MARCHF1: variants seen among roughly 807,000 people sequenced by gnomAD.
MARCHF1 encodes the protein E3 ubiquitin-protein ligase MARCHF1.
A neutral mutation model predicts 54.2 loss-of-function variants in MARCHF1; 40 were observed. The ratio of observed to expected loss-of-function variants is 0.74; its 90% confidence interval spans 0.57 to 0.96. MARCHF1 has a LOEUF of 0.96. Ranked by LOEUF, MARCHF1 falls within the 40% of genes least tolerant of loss-of-function variation. MARCHF1 has a pLI of 0.00. For synonymous variants in MARCHF1, 236 were observed against 236.3 expected (o/e 1.00, Z 0.01); for missense variants, 586 against 656.5 (o/e 0.89, Z 1.17).
At chr4:164,151,184 GTA>G (rs1729926021) in intron 1 of MARCHF1, among the ~76,000 whole-genome samples, 1 of 152,136 alleles carries the variant, frequency 6.6e-6, no homozygotes, top group African/African-American at 2.4e-5. Flanking sequence ...TTAAGACAAT[GTA>G]TGCAATAATT....
intron 1 of MARCHF1, among the ~76,000 whole-genome samples, chr4:164,302,321 A>C (rs1354141950): frequency 2.0e-5 from 3 of 151,804 alleles, no homozygotes; most frequent in African/African-American, 7.3e-5. Context: ...ACACTGTTCC[A>C]TTGTTCCAAC....
chr4:163,895,779 G>C (rs1374885973), intron 3 of MARCHF1, among the ~76,000 whole-genome samples: 2 of 152,088 alleles, frequency 1.3e-5, no homozygotes, highest in African/African-American at 4.8e-5. Context: ...TTGCCACTGG[G>C]TGTGCTCAGT....
At chr4:164,100,042 TCTAA>T (rs1037365696) in intron 2 of MARCHF1, among the ~76,000 whole-genome samples, 35 of 152,288 alleles carry the variant, frequency 2.3e-4, no homozygotes, top group East Asian at 1.4e-3. Flanking sequence ...AATGAATCTC[TCTAA>T]CTGACAAGAA....
chr4:164,223,723 T>C (rs1732175269), intron 1 of MARCHF1, among the ~76,000 whole-genome samples: 1 of 151,798 alleles, frequency 6.6e-6, no homozygotes, highest in Admixed American at 6.6e-5. Flanking sequence ...CCTTACTGTC[T>C]TTGCTACCAG....
chr4:164,286,618 A>G (rs1446771444), intron 1 of MARCHF1, among the ~76,000 whole-genome samples: 1 of 151,810 alleles, frequency 6.6e-6, no homozygotes. Flanking sequence ...CCATGGGAAT[A>G]TGTGCTCAAA....
chr4:164,033,558 G>C (rs528056405), intron 2 of MARCHF1, among the ~76,000 whole-genome samples: 1 of 152,100 alleles, frequency 6.6e-6, no homozygotes, highest in Non-Finnish European at 1.5e-5. Context: ...GAATTTACAA[G>C]GAACTTAAAC....
chr4:163,592,211 A>T (rs1414074031), intron 7 of MARCHF1, among the ~76,000 whole-genome samples: 1 of 152,180 alleles, frequency 6.6e-6, no homozygotes, highest in Non-Finnish European at 1.5e-5. Flanking sequence ...AAGTTTTGTC[A>T]TTCTGAATAT....
chr4:163,614,624 G>A (rs541666862), intron 5 of MARCHF1, among the ~76,000 whole-genome samples: 1 of 152,236 alleles, frequency 6.6e-6, no homozygotes, highest in African/African-American at 2.4e-5. Context: ...TAACTCAAGA[G>A]ATCAGGTCAT....
chr4:164,138,002 A>G (rs1289710963), intron 1 of MARCHF1, among the ~76,000 whole-genome samples: 1 of 152,116 alleles, frequency 6.6e-6, no homozygotes, highest in Non-Finnish European at 1.5e-5. Flanking sequence ...TCCTTGGCTC[A>G]TAGGTTCTTC....
intron 1 of MARCHF1, among the ~76,000 whole-genome samples, chr4:164,315,210 T>G (rs1734964064): frequency 6.7e-6 from 1 of 148,382 alleles, no homozygotes; most frequent in Admixed American, 6.8e-5. Flanking sequence ...TTTAGCTTTC[T>G]TCTGTATTGG....
intron 4 of MARCHF1, among the ~76,000 whole-genome samples, chr4:163,750,525 T>C (rs903497697): frequency 2.5e-5 from 2 of 78,918 alleles, no homozygotes; most frequent in Non-Finnish European, 8.0e-5. Context: ...AATAAATAAA[T>C]AAATAAATAA....
chr4:164,206,400 G>T (rs879711678), intron 1 of MARCHF1, among the ~76,000 whole-genome samples: 6 of 152,150 alleles, frequency 3.9e-5, no homozygotes, highest in Admixed American at 3.9e-4. Flanking sequence ...TCATGCCATT[G>T]TACTCCAGCC....
rs889485044 is a variant in MARCHF1 at position 163,586,551 on chromosome 4, C to G, written c.1011-622G>C. 1.3e-5 allele frequency among the ~76,000 whole-genome samples: 2 copies of G among 152,308 alleles called. 1 individual carries two copies. Among genetic ancestry groups the G allele is most frequent in the South Asian group, 4.1e-4 (2 of 4,830 alleles). On this transcript the variant is annotated intron_variant, in intron 7 of 9. Transcript: ENST00000514618. ...TTACTTTTATGGTCATTGCTGGACTCAAATCATGTAATAAGTTGTGCCTTA... is the reference window on the plus strand; with the variant it reads ...TTACTTTTATGGTCATTGCTGGACTGAAATCATGTAATAAGTTGTGCCTTA...
At chr4:164,327,246 C>A (rs1247377958) in intron 1 of MARCHF1, among the ~76,000 whole-genome samples, 3 of 152,140 alleles carry the variant, frequency 2.0e-5, no homozygotes, top group Non-Finnish European at 2.9e-5. Flanking sequence ...TATATGCAGT[C>A]TCCTGAGGAA....
chr4:163,796,874 G>A (rs1173224030), intron 4 of MARCHF1, among the ~76,000 whole-genome samples: 1 of 152,072 alleles, frequency 6.6e-6, no homozygotes. Context: ...GAGTGCTTTA[G>A]ATCTGACTGC....
At chr4:163,903,183 T>C (rs1434906185) in intron 3 of MARCHF1, among the ~76,000 whole-genome samples, 1 of 152,196 alleles carries the variant, frequency 6.6e-6, no homozygotes. Context: ...TACTTAACTT[T>C]TGTGTGGGAA....
At chr4:164,106,592 A>G (rs1755705443) in intron 2 of MARCHF1, among the ~76,000 whole-genome samples, 2 of 145,762 alleles carry the variant, frequency 1.4e-5, no homozygotes, top group Admixed American at 6.9e-5. Flanking sequence ...CAGGAAGGGG[A>G]ATATCACACT....
intron 2 of MARCHF1, among the ~76,000 whole-genome samples, chr4:164,038,342 A>G (rs1754052893): frequency 6.6e-6 from 1 of 152,052 alleles, no homozygotes; most frequent in East Asian, 1.9e-4. Flanking sequence ...AAATACAAAA[A>G]AATTATCCAG....
intron 1 of MARCHF1, among the ~76,000 whole-genome samples, chr4:164,120,867 C>G (rs951613258): frequency 2.6e-5 from 4 of 151,792 alleles, no homozygotes; most frequent in Non-Finnish European, 5.9e-5. Context: ...CTATAAGTGC[C>G]TAGATCAAAA....
Sources: gnomAD v4.1 joint callset for allele counts (sites outside exome capture counted in the v4.1 genomes callset) on GRCh38, gnomAD v4.1.1 for gene constraint, MANE v1.5 for transcripts, NCBI Gene and HGNC (gene_info 2026-07-23, HGNC 2026-07-21) for gene names.